Variants in ELOB observed in about 807,000 individuals in gnomAD.
The protein encoded by ELOB is elongin-B.
ELOB carries 3 observed loss-of-function variants against 12.9 expected under a neutral mutation model. The observed-to-expected ratio is 0.23, with a 90% CI of 0.11 to 0.60. The LOEUF (loss-of-function observed/expected upper bound fraction) is 0.60. Among genes scored for constraint, ELOB ranks in the 20% least tolerant of loss-of-function variants. ELOB has a pLI of 0.89. For synonymous variants in ELOB, 84 were observed against 67.4 expected (o/e 1.25, Z -1.21); for missense variants, 126 against 159.2 (o/e 0.79, Z 1.12).
At chr16:2,774,768 T>A (rs868398771) in intron 3 of ELOB, among the ~76,000 whole-genome samples, 1 of 151,928 alleles carries the variant, frequency 6.6e-6, no homozygotes, top group South Asian at 2.1e-4. Flanking sequence ...GAAGAAGATA[T>A]CTTGGCGAGT....
chr16:2,772,009 T>C lies in ELOB; in HGVS notation c.338A>G (p.Asn113Ser), dbSNP rs1219212340. ...GGGTCCTCACTGCACGGCTTGTTCATTGGCACTGCTTCCCGAGTCCTGGGG... is the reference window on the plus strand; with the variant it reads ...GGGTCCTCACTGCACGGCTTGTTCACTGGCACTGCTTCCCGAGTCCTGGGG... ...MKPQDSGSSA[N>S]EQAVQ The change falls in exon 4 of 4, where the codon AAT becomes AGT. Residue 113 changes from asparagine (N) to serine (S), a missense_variant. Asn to Ser is a conservative substitution (Grantham distance 46). Coordinates refer to ENST00000409906, the MANE Select transcript of ELOB (RefSeq NM_007108.4). The C allele has an allele frequency of 2.5e-6, 4 of 1,612,694 alleles. No individual in the cohort carries two copies. The South Asian group carries it at 3.3e-5, about 13-fold the overall frequency.
rs2068793458 is a variant in ELOB at position 2,775,453 on chromosome 16, G to C, written c.242C>G (p.Ala81Gly). The change falls in exon 3 of 4, where the codon GCA (alanine) becomes GGA (glycine). Residue 81 changes from alanine (A) to glycine (G), a missense_variant and splice_region_variant. Ala to Gly is a moderately conservative substitution (Grantham distance 60, BLOSUM62 0). Transcript: ENST00000409906. ...APATVGLAFR[A>G]DDTFEALCIE... ...CCAGTGGGTGGTGGGCCTCTCACCT[G>C]CCCGGAAGGCCAGCCCCACTGTGGC... is the stretch of plus-strand genomic sequence containing the variant. The C allele has an allele frequency of 4.4e-6, 7 of 1,598,520 alleles. No homozygotes were observed. The highest frequency in any genetic ancestry group is 5.9e-6 in the Non-Finnish European group (7 of 1,178,190).
intron 3 of ELOB, among the ~76,000 whole-genome samples, chr16:2,773,502 G>C (rs1265941971): frequency 1.3e-5 from 2 of 152,174 alleles, no homozygotes; most frequent in Non-Finnish European, 2.9e-5. Flanking sequence ...TCCTTGAGTG[G>C]TAAGCTTGGG....
chr16:2,775,269 CT>C (rs199529403), intron 3 of ELOB, among the ~76,000 whole-genome samples, 181 bp downstream of exon 3: 264 of 147,134 alleles, frequency 1.8e-3, no homozygotes, highest in Middle Eastern at 3.5e-3. Flanking sequence ...TTGGTTGCTT[CT>C]TTTTTAAAAA....
rs748473414 is a variant in ELOB, at chr16:2,772,134, T to C, written c.245-32A>G. 13 of 1,552,812 alleles carry C rather than the reference T, an allele frequency of 8.4e-6. No individual in the cohort carries two copies. The African/African-American group carries it at 1.5e-4, about 18-fold the overall frequency. ...AGGAAGCAGCAGAGCTGCAGGGGGG[T>C]ATTCCAGCTCTTGCCCCAGCTGGGG... On this transcript the variant is annotated intron_variant, in intron 3 of 3. Transcript: ENST00000409906.
chr16:2,776,575 C>T (rs550109414), intron 2 of ELOB, among the ~76,000 whole-genome samples: 2 of 152,350 alleles, frequency 1.3e-5, no homozygotes, highest in Non-Finnish European at 2.9e-5. Flanking sequence ...TCCCCACCCT[C>T]CACCCGAAGG....
intron 3 of ELOB, among the ~76,000 whole-genome samples, chr16:2,774,479 G>T (rs555132612): frequency 6.6e-6 from 1 of 152,364 alleles, no homozygotes; most frequent in African/African-American, 2.4e-5. Flanking sequence ...GGAGGGGCAG[G>T]AGGGCAAGGT....
chr16:2,777,075 T>G lies in ELOB; in HGVS notation c.56A>C (p.Lys19Thr). Residue 19 changes from lysine to threonine, a missense_variant, in exon 2 of 4, where the codon AAG becomes ACG. Physicochemically the swap from Lys to Thr is moderately conservative, Grantham distance 78 (BLOSUM62 -1). Coordinates refer to ENST00000409906, the MANE Select transcript of ELOB (RefSeq NM_007108.4). ...CAGTTCGAACACCGTGCTGGACTCC[T>G]TGGCGTCCGTGAAGATGGTGGTCTT... The part of the protein sequence containing the change: ...RHKTTIFTDA[K>T]ESSTVFELKR... 6.2e-7 allele frequency: 1 copy of G among 1,601,644 alleles called. No homozygotes were observed. The highest frequency in any genetic ancestry group is 2.3e-5 in the East Asian group (1 of 43,436).
In ELOB at chr16:2,773,134, T is replaced by C. The variant is rs190152698; in HGVS notation, c.245-1032A>G. Among the ~76,000 whole-genome samples the C allele has an allele frequency of 5.5e-3, 844 of 152,164 alleles. 12 individuals are homozygous for C. The highest frequency in any genetic ancestry group is 0.019 in the African/African-American group (801 of 41,512). ...ACACAGCAAACAAACCCACAGCTTT[T>C]CTCCTGTGCTTTCTTCCAGCTAGGA... On this transcript the variant is annotated intron_variant, in intron 3 of 3. Transcript: ENST00000409906.
At chr16:2,772,206 C>T (rs1054467901) in intron 3 of ELOB, 104 bp from the exon 4 acceptor site, 41 of 1,333,086 alleles carry the variant, frequency 3.1e-5, no homozygotes, top group Non-Finnish European at 3.4e-5. Context: ...GATCTCCATG[C>T]GAACGCCCCT....
intron 2 of ELOB, 172 bp from the exon 3 acceptor site, chr16:2,775,728 C>A: frequency 2.0e-6 from 1 of 509,590 alleles, no homozygotes. Flanking sequence ...TATCCAAGAA[C>A]TTCTAAATCA....
At chr16:2,776,873 C>A in intron 2 of ELOB, 120 bp downstream of exon 2, 2 of 1,364,710 alleles carry the variant, frequency 1.5e-6, no homozygotes, top group Non-Finnish European at 9.7e-7. Flanking sequence ...GTCCCAGTCC[C>A]GCGGCTCGGG....
intron 3 of ELOB, 95 bp from the exon 4 acceptor site, chr16:2,772,197 A>G (rs1215504425): frequency 7.2e-7 from 1 of 1,397,634 alleles, no homozygotes; most frequent in Non-Finnish European, 9.5e-7. Context: ...AGCTTTGGGG[A>G]TCTCCATGCG....
intron 3 of ELOB, among the ~76,000 whole-genome samples, chr16:2,775,153 CCA>C (rs1271376677): frequency 1.3e-5 from 2 of 151,470 alleles, no homozygotes; most frequent in Admixed American, 6.6e-5. Flanking sequence ...GCAGTGGAAG[CCA>C]CACACAGAGT....
intron 3 of ELOB, among the ~76,000 whole-genome samples, chr16:2,773,511 G>C (rs1453073003): frequency 6.6e-6 from 1 of 152,156 alleles, no homozygotes; most frequent in Non-Finnish European, 1.5e-5. Flanking sequence ...GGTAAGCTTG[G>C]GGGAGGGGAG....
At chr16:2,772,269 TG>T in intron 3 of ELOB, 167 bp from the exon 4 acceptor site, 1 of 778,922 alleles carries the variant, frequency 1.3e-6, no homozygotes, top group Non-Finnish European at 1.9e-6. Context: ...GCTACCCCCG[TG>T]GCCCCACGGT....
At chr16:2,774,594 T>C (rs937710769) in intron 3 of ELOB, among the ~76,000 whole-genome samples, 1 of 152,256 alleles carries the variant, frequency 6.6e-6, no homozygotes, top group Admixed American at 6.5e-5. Flanking sequence ...TTTGCTATGT[T>C]CCCTTACAGG....
rs531495265 is a variant in ELOB at position 2,773,012 on chromosome 16, CTG to C, written c.245-912_245-911del. 2.8e-4 allele frequency among the ~76,000 whole-genome samples: 43 copies of C among 152,324 alleles called. No individual in the cohort carries two copies. In the East Asian group the frequency reaches 7.0e-3, roughly 25 times the overall value. The stretch of plus-strand genomic sequence containing the variant: ...CCAAAAGTCAAGACATCCTGACACT[CTG>C]GGCGTAGGGGCACTTACCACTGGAC... On this transcript the variant is annotated intron_variant, in intron 3 of 3. Coordinates refer to ENST00000409906, the MANE Select transcript of ELOB (RefSeq NM_007108.4).
intron 3 of ELOB, 161 bp from the exon 4 acceptor site, chr16:2,772,263 C>T: frequency 1.2e-6 from 1 of 800,128 alleles, no homozygotes; most frequent in Non-Finnish European, 1.8e-6. Context: ...GTTCCAGCTA[C>T]CCCCGTGGCC....
Sources: gnomAD v4.1 joint callset for allele counts (sites outside exome capture counted in the v4.1 genomes callset) on GRCh38, gnomAD v4.1.1 for gene constraint, MANE v1.5 for transcripts, NCBI Gene and HGNC (gene_info 2026-07-23, HGNC 2026-07-21) for gene names.